Variants in BRIP1 observed in about 807,000 individuals in gnomAD.
BRIP1 encodes the protein BRCA1 interacting DNA helicase 1, also known as Fanconi anemia group J protein.
Under a neutral mutation model 119.7 loss-of-function variants are expected in BRIP1, and 88 were observed. The observed-to-expected ratio is 0.74, with a 90% confidence interval of 0.62 to 0.88. The LOEUF is 0.88. BRIP1 is among the 40% of genes least tolerant of loss of function. BRIP1 has a pLI of 0.00. For missense variants in BRIP1, 1,259 were observed against 1,455.4 expected, an observed-to-expected ratio of 0.87 and a Z score of 2.20; for synonymous variants, 443 against 496.5, an observed-to-expected ratio of 0.89 and a Z score of 1.43.
chr17:61,713,570 G>C lies in BRIP1; in HGVS notation c.2492+2381C>G, dbSNP rs912459092. On this transcript the variant is annotated intron_variant, in intron 17 of 19. Coordinates refer to ENST00000259008, the MANE Select transcript of BRIP1 (RefSeq NM_032043.3). This position sits in a 1 kb window ranked among gnomAD's most constrained non-coding sequence, Gnocchi z 4.9. The stretch of plus-strand genomic sequence containing the variant: ...GGAGTCTCGCTCTGTCGCCCAGGCT[G>C]GAGTGCAGTGGGGTGATCTCGGCTC... 4.6e-5 allele frequency among the ~76,000 whole-genome samples: 7 copies of C among 150,656 alleles called. No homozygotes were observed. Among genetic ancestry groups the C allele is most frequent in the African/African-American group, 1.7e-4 (7 of 40,916 alleles).
rs964447575 is a variant in BRIP1, at chr17:61,690,773, G to A, written c.2575+2657C>T. Among the ~76,000 whole-genome samples the A allele has an allele frequency of 1.3e-4, 20 of 152,000 alleles. No individual in the cohort carries two copies. Among genetic ancestry groups the A allele is most frequent in the African/African-American group, 4.8e-4 (20 of 41,366 alleles). ...AATGATCTCTCTTTGCAGATGACAT[G>A]ATCTTTTATGTGGAAAACCCTAAAG... is the stretch of plus-strand genomic sequence containing the variant. On this transcript the variant is annotated intron_variant, in intron 18 of 19. Transcript: ENST00000259008. The surrounding 1 kb of genome is among the most constrained non-coding windows in gnomAD (Gnocchi z 5.6).
At position 61,685,978 on chromosome 17, in the gene BRIP1, A is replaced by G. The variant is rs1555573356; in HGVS notation, c.2763T>C (p.Tyr921=). The change falls in exon 19 of 20, where the codon TAT becomes TAC. Residue 921 remains tyrosine, a synonymous_variant. Coordinates refer to ENST00000259008, the MANE Select transcript of BRIP1 (RefSeq NM_032043.3). ...VTSLKYSTSP[Y]LLEAASHLSP... is the part of the protein sequence containing the mutation. ...ATAGATGACTTGCTGCTTCCAGTAA[A>G]TAAGGTGAGGTACTGTACTTTAAAG... is the stretch of plus-strand genomic sequence containing the variant. 3 of 1,614,040 alleles carry G rather than the reference A, an allele frequency of 1.9e-6. No individual in the cohort carries two copies. Among genetic ancestry groups the G allele is most frequent in the Non-Finnish European group, 2.5e-6 (3 of 1,179,948 alleles).
Position 61,736,425 on chromosome 17 carries a change from T to C in BRIP1, c.2379+6588A>G, listed in dbSNP as rs1447966057. ...TCCCTCCACTTATTATGTTCTACTA[T>C]GTATTAAATAAAGTGTAAGATGCTG... On this transcript the variant is annotated intron_variant, in intron 16 of 19. Coordinates refer to ENST00000259008, the MANE Select transcript of BRIP1 (RefSeq NM_032043.3). This position sits in a 1 kb window ranked among gnomAD's most constrained non-coding sequence, Gnocchi z 4.4. Among the ~76,000 whole-genome samples, 3 of 152,220 alleles carry C rather than the reference T, an allele frequency of 2.0e-5. No homozygotes were observed. Among genetic ancestry groups the C allele is most frequent in the Non-Finnish European group, 2.9e-5 (2 of 68,034 alleles).
At position 61,849,169 on chromosome 17, in the gene BRIP1, A is replaced by G. The variant is rs1567868429; in HGVS notation, c.467T>C (p.Val156Ala). 1 of 1,613,506 alleles carries G rather than the reference A, an allele frequency of 6.2e-7. No homozygotes were observed. Among genetic ancestry groups the G allele is most frequent in the Non-Finnish European group, 8.5e-7 (1 of 1,179,602 alleles). The part of the protein sequence containing the change: ...IYRDENDDFQ[V>A]EKKRIRPLET... ...TAAGGGTCGAATTCTTTTCTTCTCT[A>G]CTTGAAAATCATCATTTTCATCTCT... Residue 156 changes from valine (V) to alanine (A), a missense_variant, in exon 5 of 20, where the codon GTA becomes GCA. Physicochemically the swap from Val to Ala is moderately conservative, Grantham distance 64 (BLOSUM62 0). Coordinates refer to ENST00000259008, the MANE Select transcript of BRIP1 (RefSeq NM_032043.3).
At chr17:61,712,290 C>T (rs889707578) in intron 17 of BRIP1, among the ~76,000 whole-genome samples, 9 of 151,920 alleles carry the variant, frequency 5.9e-5, no homozygotes, top group Admixed American at 6.6e-5. Context: ...CTTAGCTCAA[C>T]GCAACCTCCA....
rs1048505842 is a variant in BRIP1, at chr17:61,843,900, T to C, written c.627+3201A>G. Among the ~76,000 whole-genome samples, 1 of 151,982 alleles carries C rather than the reference T, an allele frequency of 6.6e-6. No individual in the cohort carries two copies. Among genetic ancestry groups the C allele is most frequent in the African/African-American group, 2.4e-5 (1 of 41,526 alleles). ...AACATCATGTTTTACACCTAAAATA[T>C]ATATAATTTTTATTTTATGTATTTA... On this transcript the variant is annotated intron_variant, in intron 6 of 19. Coordinates refer to ENST00000259008, the MANE Select transcript of BRIP1 (RefSeq NM_032043.3). This position sits in a 1 kb window ranked among gnomAD's most constrained non-coding sequence, Gnocchi z 5.7.
chr17:61,685,205 T>C (rs2061342837), intron 19 of BRIP1: 1 of 152,482 alleles, frequency 6.6e-6, no homozygotes, highest in African/African-American at 2.4e-5. Flanking sequence ...TGTAAATAAA[T>C]GGGCATGACT....
Position 61,740,233 on chromosome 17 carries a change from A to C in BRIP1, c.2379+2780T>G, listed in dbSNP as rs897190570. Among the ~76,000 whole-genome samples the C allele has an allele frequency of 6.6e-6, 1 of 152,150 alleles. No individual in the cohort carries two copies. On this transcript the variant is annotated intron_variant, in intron 16 of 19. Transcript: ENST00000259008. The surrounding 1 kb of genome is among the most constrained non-coding windows in gnomAD (Gnocchi z 5.4). ...AATCACAAGATCTGCAAGGCAGGACACTGGAAAGAAGCGAGCCAGATGGAC... is the reference window on the plus strand; with the variant it reads ...AATCACAAGATCTGCAAGGCAGGACCCTGGAAAGAAGCGAGCCAGATGGAC...
rs786201326 is a variant in BRIP1, at chr17:61,808,473, C to T, written c.912G>A (p.Gly304=). ...ACAAAATAACTTTACTCACGTTTTT[C>T]CCATCTAGCAATTCCATGCACTTCT... ...RNEKCMELLD[G]KNGKSCYFYH... Residue 304 remains glycine (G), a synonymous_variant, in exon 7 of 20, where the codon GGG becomes GGA. Transcript: ENST00000259008. The surrounding 1 kb of genome is among the most constrained non-coding windows in gnomAD (Gnocchi z 4.1). The T allele has an allele frequency of 1.9e-6, 3 of 1,612,718 alleles. No individual in the cohort carries two copies. The highest frequency in any genetic ancestry group is 2.5e-6 in the Non-Finnish European group (3 of 1,178,770).
chr17:61,781,150 A>C, intron 11 of BRIP1, 145 bp from the exon 12 acceptor site: 1 of 715,254 alleles, frequency 1.4e-6, no homozygotes, highest in South Asian at 1.7e-5. Context: ...CCTTACCATT[A>C]ATTAAATTCA....
intron 14 of BRIP1, among the ~76,000 whole-genome samples, chr17:61,772,867 C>CA (rs1448577022): frequency 6.9e-6 from 1 of 145,224 alleles, no homozygotes; most frequent in Non-Finnish European, 1.5e-5. Flanking sequence ...ATGCATGTTT[C>CA]ACCACAATTA....
chr17:61,683,734 T>A lies in BRIP1; in HGVS notation c.3312A>T (p.Glu1104Asp), dbSNP rs1555572697. ...TATCTTCTTCACTTACTAGAGACAA[T>A]TCAATGTCTGGATCCAGGGCTTCTT... ...CSEEALDPDI[E>D]LSLVSEEDKQ... The change falls in exon 20 of 20, where the codon GAA (glutamate) becomes GAT (aspartate). Residue 1104 changes from glutamate (E) to aspartate (D), a missense_variant. Coordinates refer to ENST00000259008, the MANE Select transcript of BRIP1 (RefSeq NM_032043.3). This position sits in a 1 kb window ranked among gnomAD's most constrained non-coding sequence, Gnocchi z 4.7. 1 of 1,614,138 alleles carries A rather than the reference T, an allele frequency of 6.2e-7. No individual in the cohort carries two copies. The highest frequency in any genetic ancestry group is 8.5e-7 in the Non-Finnish European group (1 of 1,180,004).
chr17:61,711,315 T>A (rs1238628936), intron 17 of BRIP1, among the ~76,000 whole-genome samples: 1 of 152,248 alleles, frequency 6.6e-6, no homozygotes, highest in Admixed American at 6.5e-5. Flanking sequence ...TTGAGTATAA[T>A]GACTAAAAGT....
intron 6 of BRIP1, among the ~76,000 whole-genome samples, chr17:61,836,300 G>A (rs893981027): frequency 2.0e-5 from 3 of 151,888 alleles, no homozygotes; most frequent in African/African-American, 7.3e-5. Context: ...GTTTTTTGTA[G>A]AGACAGGGTC....
Position 61,717,427 on chromosome 17 carries a change from C to A in BRIP1, c.2380-1364G>T, listed in dbSNP as rs1160534535. On this transcript the variant is annotated intron_variant, in intron 16 of 19. Coordinates refer to ENST00000259008, the MANE Select transcript of BRIP1 (RefSeq NM_032043.3). The surrounding 1 kb of genome is among the most constrained non-coding windows in gnomAD (Gnocchi z 4.1). ...AATATTAGTAGTGCACGTTTGCTAG[C>A]AATGAGTTCTTTCAACTTTTCTTTT... Among the ~76,000 whole-genome samples, 1 of 152,088 alleles carries A rather than the reference C, an allele frequency of 6.6e-6. No individual in the cohort carries two copies. Among genetic ancestry groups the A allele is most frequent in the Non-Finnish European group, 1.5e-5 (1 of 67,990 alleles).
chr17:61,823,527 G>T lies in BRIP1; in HGVS notation c.628-14770C>A, dbSNP rs952043191. Among the ~76,000 whole-genome samples the T allele has an allele frequency of 6.6e-5, 10 of 152,086 alleles. No homozygotes were observed. Among genetic ancestry groups the T allele is most frequent in the African/African-American group, 2.2e-4 (9 of 41,456 alleles). On this transcript the variant is annotated intron_variant, in intron 6 of 19. Coordinates refer to ENST00000259008, the MANE Select transcript of BRIP1 (RefSeq NM_032043.3). The surrounding 1 kb of genome is among the most constrained non-coding windows in gnomAD (Gnocchi z 4.8). ...AGAGATCAAGGAGCTTGACAAATCG[G>T]CAATAGAAGGTAGACAAAATGAAGC... is the stretch of plus-strand genomic sequence containing the variant.
intron 10 of BRIP1, among the ~76,000 whole-genome samples, chr17:61,792,060 A>C (rs2077826665): frequency 6.6e-6 from 1 of 152,208 alleles, no homozygotes; most frequent in Non-Finnish European, 1.5e-5. Context: ...GTGGGAATGC[A>C]AAATGGTACA....
In BRIP1 at chr17:61,778,187, A is replaced by G. The variant is rs1410288676; in HGVS notation, c.1936-1625T>C. Among the ~76,000 whole-genome samples, 2 of 152,232 alleles carry G rather than the reference A, an allele frequency of 1.3e-5. No individual in the cohort carries two copies. The highest frequency in any genetic ancestry group is 2.4e-5 in the African/African-American group (1 of 41,480). Reference sequence around the variant, plus strand: ...GAACTTTGAAGACATTATCTGCAACATGGACAAACCTTGAGGACATTACTA... The same window carrying G: ...GAACTTTGAAGACATTATCTGCAACGTGGACAAACCTTGAGGACATTACTA... On this transcript the variant is annotated intron_variant, in intron 13 of 19. Coordinates refer to ENST00000259008, the MANE Select transcript of BRIP1 (RefSeq NM_032043.3). This position sits in a 1 kb window ranked among gnomAD's most constrained non-coding sequence, Gnocchi z 4.4.
chr17:61,834,480 T>C lies in BRIP1; in HGVS notation c.627+12621A>G, dbSNP rs2078541636. 6.6e-6 allele frequency among the ~76,000 whole-genome samples: 1 copy of C among 152,136 alleles called. No individual in the cohort carries two copies. Among genetic ancestry groups the C allele is most frequent in the Non-Finnish European group, 1.5e-5 (1 of 68,032 alleles). Reference sequence around the variant, plus strand: ...ATATACTCAGTTGATACTGGGTATATATGTAATATATACTACGTAACAAAA... The same window carrying C: ...ATATACTCAGTTGATACTGGGTATACATGTAATATATACTACGTAACAAAA... On this transcript the variant is annotated intron_variant, in intron 6 of 19. Transcript: ENST00000259008. This position sits in a 1 kb window ranked among gnomAD's most constrained non-coding sequence, Gnocchi z 4.4.
Sources: gnomAD v4.1 joint callset for allele counts (sites outside exome capture counted in the v4.1 genomes callset) on GRCh38, gnomAD v4.1.1 for gene constraint, Gnocchi (gnomAD v3.1) non-coding constraint, MANE v1.5 for transcripts, NCBI Gene and HGNC (gene_info 2026-07-23, HGNC 2026-07-21) for gene names.